The following PAQR8 variants were observed in gnomAD, a reference collection of about 807,000 sequenced individuals.
The protein encoded by PAQR8 is membrane progestin receptor beta.
PAQR8 carries 17 observed loss-of-function variants against 25.2 expected under a neutral mutation model. That is an observed-to-expected ratio of 0.67 (90% CI 0.46 to 1.01). The LOEUF is 1.01. Among genes scored for constraint, PAQR8 ranks in the 50% least tolerant of loss-of-function variants. PAQR8 has a pLI of 0.00. For synonymous variants in PAQR8, 204 were observed against 190.6 expected (o/e 1.07, Z -0.58); for missense variants, 392 against 448.4 (o/e 0.87, Z 1.14).
rs1309727222 is a variant in PAQR8 at position 52,403,548 on chromosome 6, T to C, written c.335T>C (p.Leu112Pro). 1 of 1,614,116 alleles carries C rather than the reference T, an allele frequency of 6.2e-7. No homozygotes were observed. Among genetic ancestry groups the C allele is most frequent in the Non-Finnish European group, 8.5e-7 (1 of 1,180,034 alleles). The part of the protein sequence containing the change: ...LPWASTHSLP[L>P]LLFILSSITY... Reference sequence around the variant, plus strand: ...TGGGCGTCTACCCACTCCCTGCCTCTGCTCCTCTTCATCCTGTCGTCAATC... The same window carrying C: ...TGGGCGTCTACCCACTCCCTGCCTCCGCTCCTCTTCATCCTGTCGTCAATC... The change falls in exon 2 of 2, where the codon CTG becomes CCG. Residue 112 changes from leucine to proline, a missense_variant. Transcript: ENST00000442253.
intron 1 of PAQR8, among the ~76,000 whole-genome samples, chr6:52,384,765 A>G (rs1763610385): frequency 6.6e-6 from 1 of 152,248 alleles, no homozygotes; most frequent in Non-Finnish European, 1.5e-5. Flanking sequence ...TCAAAATACT[A>G]CAAGGCTATA....
intron 1 of PAQR8, among the ~76,000 whole-genome samples, chr6:52,383,632 G>C (rs1385309196): frequency 7.3e-6 from 1 of 136,202 alleles, no homozygotes; most frequent in Non-Finnish European, 1.5e-5. Flanking sequence ...CTGCACTCCA[G>C]CCTGGGCGAC....
Position 52,403,683 on chromosome 6 carries a change from G to T in PAQR8, c.470G>T (p.Gly157Val). ...GTTGGCGTGAGCGTTTACCAATATG[G>T]CAGTGCTTTGGCTCATTTCTTCTAC... ...DYVGVSVYQY[G>V]SALAHFFYSS... Residue 157 changes from glycine (G) to valine (V), a missense_variant, in exon 2 of 2, where the codon GGC becomes GTC. By Grantham distance (109) the Gly-to-Val change is moderately radical (BLOSUM62 -3). Coordinates refer to ENST00000442253, the MANE Select transcript of PAQR8 (RefSeq NM_133367.5). 6.2e-7 allele frequency: 1 copy of T among 1,614,194 alleles called. No homozygotes were observed. The highest frequency in any genetic ancestry group is 8.5e-7 in the Non-Finnish European group (1 of 1,180,040).
chr6:52,375,334 C>T (rs1346065811), intron 1 of PAQR8, among the ~76,000 whole-genome samples: 1 of 152,136 alleles, frequency 6.6e-6, no homozygotes, highest in Non-Finnish European at 1.5e-5. Flanking sequence ...AATCTATTTG[C>T]CATCTCCTAA....
chr6:52,376,013 C>G (rs1763481080), intron 1 of PAQR8, among the ~76,000 whole-genome samples: 1 of 152,190 alleles, frequency 6.6e-6, no homozygotes, highest in Non-Finnish European at 1.5e-5. Context: ...TGTTCCTACT[C>G]TGGTATAGCA....
At chr6:52,364,498 A>G (rs1301834758) in intron 1 of PAQR8, among the ~76,000 whole-genome samples, 1 of 152,230 alleles carries the variant, frequency 6.6e-6, no homozygotes, top group Non-Finnish European at 1.5e-5. Context: ...CATTCAAATC[A>G]GTATTTCTCC....
chr6:52,378,460 A>G (rs903246614), intron 1 of PAQR8, among the ~76,000 whole-genome samples: 2 of 152,218 alleles, frequency 1.3e-5, no homozygotes, highest in Non-Finnish European at 2.9e-5. Context: ...CCCATTCCAG[A>G]TATAACAAAA....
intron 1 of PAQR8, among the ~76,000 whole-genome samples, chr6:52,373,134 A>C (rs1400107707): frequency 6.6e-6 from 1 of 152,180 alleles, no homozygotes; most frequent in Non-Finnish European, 1.5e-5. Context: ...ATGACTGTTG[A>C]TTTCTATGAA....
At chr6:52,390,174 A>T (rs1327586121) in intron 1 of PAQR8, among the ~76,000 whole-genome samples, 1 of 152,242 alleles carries the variant, frequency 6.6e-6, no homozygotes, top group Non-Finnish European at 1.5e-5. Context: ...CACTCGACAG[A>T]TTAAACACAG....
chr6:52,381,958 T>A (rs1333840738), intron 1 of PAQR8, among the ~76,000 whole-genome samples: 1 of 152,130 alleles, frequency 6.6e-6, no homozygotes, highest in Non-Finnish European at 1.5e-5. Flanking sequence ...TCATAAGATA[T>A]ATATCATTAG....
At chr6:52,396,128 G>A (rs1208937088) in intron 1 of PAQR8, among the ~76,000 whole-genome samples, 1 of 152,208 alleles carries the variant, frequency 6.6e-6, no homozygotes, top group East Asian at 1.9e-4. Context: ...GGAGCTGGTG[G>A]CTAATGGGAA....
rs780924668 is a variant in PAQR8 at position 52,403,942 on chromosome 6, A to G, written c.729A>G (p.Gln243=). The change falls in exon 2 of 2, where the codon CAA becomes CAG. Residue 243 remains glutamine (Q), a synonymous_variant. Transcript: ENST00000442253. ...ALCHLAGCQE[Q]AAWYHTLQIL... is the part of the protein sequence containing the mutation. Reference sequence around the variant, plus strand: ...GTCACCTGGCTGGCTGCCAGGAGCAAGCAGCCTGGTACCACACCCTCCAGA... The same window carrying G: ...GTCACCTGGCTGGCTGCCAGGAGCAGGCAGCCTGGTACCACACCCTCCAGA... 1 of 1,614,188 alleles carries G rather than the reference A, an allele frequency of 6.2e-7. No homozygotes were observed. The highest frequency in any genetic ancestry group is 8.5e-7 in the Non-Finnish European group (1 of 1,180,020).
chr6:52,374,720 G>GT (rs568329432), intron 1 of PAQR8, among the ~76,000 whole-genome samples: 51 of 152,110 alleles, frequency 3.4e-4, no homozygotes, highest in African/African-American at 1.2e-3. Flanking sequence ...CTAAACCTCT[G>GT]TTTCCTTTTC....
At chr6:52,401,299 C>T (rs771628297) in intron 1 of PAQR8, among the ~76,000 whole-genome samples, 29 of 152,132 alleles carry the variant, frequency 1.9e-4, no homozygotes, top group Admixed American at 3.3e-4. Context: ...GCTGTATGTG[C>T]TTGCTGTATG....
intron 1 of PAQR8, among the ~76,000 whole-genome samples, chr6:52,400,718 G>A (rs936069740): frequency 2.0e-5 from 3 of 152,158 alleles, no homozygotes; most frequent in Admixed American, 6.5e-5. Context: ...TCCTTTCCCT[G>A]TTTTGGTTGT....
intron 1 of PAQR8, among the ~76,000 whole-genome samples, chr6:52,368,605 T>G (rs1286636679): frequency 6.6e-6 from 1 of 152,240 alleles, no homozygotes; most frequent in Admixed American, 6.5e-5. Context: ...TGAAAAACAT[T>G]GTTTTAGAAC....
At position 52,407,095 on chromosome 6, in the gene PAQR8, G is replaced by T. The variant is rs78660713; in HGVS notation, c.*2817G>T. The T allele has an allele frequency of 9.6e-3, 1,603 of 167,050 alleles. 23 individuals are homozygous for T. The highest frequency in any genetic ancestry group is 0.036 in the African/African-American group (1,514 of 41,568). 10.3% of individuals were successfully genotyped at this position (167,050 alleles called of 1,614,324 possible). On this transcript the variant is annotated 3_prime_UTR_variant, in exon 2 of 2. Transcript: ENST00000442253. ...AATCAACAATTTTATAAAGGAGATG[G>T]CTTATTCAACCATAGCCCCTCCAAC... is the stretch of plus-strand genomic sequence containing the variant.
chr6:52,369,873 A>T (rs1186579336), intron 1 of PAQR8, among the ~76,000 whole-genome samples: 1 of 152,210 alleles, frequency 6.6e-6, no homozygotes, highest in Non-Finnish European at 1.5e-5. Context: ...AGAGACCCTG[A>T]GTACTTTAGA....
intron 1 of PAQR8, among the ~76,000 whole-genome samples, chr6:52,391,787 G>A (rs1186887595): frequency 1.3e-5 from 2 of 152,162 alleles, no homozygotes; most frequent in African/African-American, 4.8e-5. Context: ...GGGCTTCTGT[G>A]AATTCTGGAA....
Sources: allele counts gnomAD v4.1 joint callset (sites outside exome capture counted in the v4.1 genomes callset), GRCh38; gene constraint gnomAD v4.1.1; transcripts MANE v1.5; gene names NCBI Gene and HGNC (gene_info 2026-07-23, HGNC 2026-07-21).